Variants in VWA8 observed in about 807,000 individuals in gnomAD.
VWA8 encodes the protein von Willebrand factor A domain-containing protein 8.
A neutral mutation model predicts 241.5 loss-of-function variants in VWA8; 221 were observed. That is an observed-to-expected ratio of 0.91 (90% CI 0.82 to 1.02). The LOEUF is 1.02. Among genes scored for constraint, VWA8 ranks in the 50% least tolerant of loss-of-function variants. The probability of loss-of-function intolerance (pLI) is 0.00; values close to 1 mark genes in which losing one functional copy is unlikely to be tolerated. For synonymous variants in VWA8, 852 were observed against 827.1 expected, an observed-to-expected ratio of 1.03 and a Z score of -0.52; for missense variants, 2,322 against 2,328.7, an observed-to-expected ratio of 1.00 and a Z score of 0.06.
intron 5 of VWA8, among the ~76,000 whole-genome samples, chr13:41,890,711 G>T (rs777211751): frequency 2.0e-5 from 3 of 152,210 alleles, no homozygotes; most frequent in African/African-American, 7.2e-5. Flanking sequence ...CTAGTAGAGG[G>T]AAGCAGACAA....
At chr13:41,609,036 T>A (rs969670545) in intron 39 of VWA8, among the ~76,000 whole-genome samples, 2 of 152,198 alleles carry the variant, frequency 1.3e-5, no homozygotes, top group African/African-American at 2.4e-5. Flanking sequence ...ATGATTCCAT[T>A]ACTTGTATGC....
At chr13:41,732,427 C>T (rs891976990) in intron 21 of VWA8, among the ~76,000 whole-genome samples, 1 of 151,680 alleles carries the variant, frequency 6.6e-6, no homozygotes, top group Non-Finnish European at 1.5e-5. Flanking sequence ...GGTAATATGT[C>T]TTGTAACCAC....
intron 35 of VWA8, 36 bp from the exon 36 acceptor site, chr13:41,675,332 T>C: frequency 4.0e-6 from 6 of 1,489,332 alleles, no homozygotes; most frequent in Non-Finnish European, 5.6e-6. Flanking sequence ...AAGTATTAAA[T>C]TACTGCAAGA....
At position 41,742,126 on chromosome 13, in the gene VWA8, G is replaced by T. The variant is rs2045573712; in HGVS notation, c.2427-9971C>A. On this transcript the variant is annotated intron_variant, in intron 21 of 44. Transcript: ENST00000379310. ...TAGATAGGCAGGCTAAGTCCAGAGT[G>T]TACAGTCCTCGTTGCCATTTTGGAG... Among the ~76,000 whole-genome samples, 4 of 152,308 alleles carry T rather than the reference G, an allele frequency of 2.6e-5. No individual in the cohort carries two copies. The South Asian group carries it at 8.3e-4, about 32-fold the overall frequency.
At chr13:41,882,301 A>ACG (rs760323480) in intron 9 of VWA8, among the ~76,000 whole-genome samples, 1 of 141,324 alleles carries the variant, frequency 7.1e-6, no homozygotes, top group East Asian at 2.2e-4. Context: ...CCGGGCAGAG[A>ACG]CGCTCCTCAC....
intron 4 of VWA8, among the ~76,000 whole-genome samples, chr13:41,897,999 C>A (rs1278891580): frequency 6.6e-6 from 1 of 152,214 alleles, no homozygotes; most frequent in East Asian, 1.9e-4. Flanking sequence ...TTCTCCACAT[C>A]CCCACCAGAT....
intron 21 of VWA8, among the ~76,000 whole-genome samples, chr13:41,746,497 T>C (rs569850521): frequency 6.6e-6 from 1 of 152,302 alleles, no homozygotes; most frequent in East Asian, 1.9e-4. Context: ...TGTAACCACT[T>C]GGTGGGTACA....
At chr13:41,849,700 G>A (rs1417881879) in intron 12 of VWA8, among the ~76,000 whole-genome samples, 9 of 152,052 alleles carry the variant, frequency 5.9e-5, no homozygotes, top group African/African-American at 1.7e-4. Flanking sequence ...CAGCCTGACC[G>A]ATATGGTGAA....
At chr13:41,881,403 A>C (rs1874182240) in intron 9 of VWA8, among the ~76,000 whole-genome samples, 1 of 113,344 alleles carries the variant, frequency 8.8e-6, no homozygotes, top group Admixed American at 1.1e-4. Context: ...AAGGTCACAG[A>C]TCAACAGGAT....
chr13:41,635,377 A>C (rs1207775226), intron 37 of VWA8, among the ~76,000 whole-genome samples: 1 of 152,204 alleles, frequency 6.6e-6, no homozygotes, highest in Admixed American at 6.6e-5. Flanking sequence ...GCAAAAAATA[A>C]ATCAGCAAAA....
intron 37 of VWA8, among the ~76,000 whole-genome samples, chr13:41,658,819 G>A (rs747131892): frequency 2.0e-5 from 3 of 152,192 alleles, no homozygotes; most frequent in African/African-American, 4.8e-5. Context: ...GCTATAGGTC[G>A]TGGAGGAAAT....
chr13:41,574,575 T>A (rs2044339079), intron 43 of VWA8, among the ~76,000 whole-genome samples: 1 of 152,150 alleles, frequency 6.6e-6, no homozygotes, highest in Non-Finnish European at 1.5e-5. Context: ...AAAACAATCC[T>A]AAAATTCACG....
chr13:41,803,107 T>C (rs976995665), intron 17 of VWA8, among the ~76,000 whole-genome samples: 2 of 152,248 alleles, frequency 1.3e-5, no homozygotes, highest in Non-Finnish European at 2.9e-5. Flanking sequence ...TTACAGGGCA[T>C]GGAGTGTTCC....
At chr13:41,927,826 G>A (rs915255040) in intron 2 of VWA8, among the ~76,000 whole-genome samples, 1 of 152,014 alleles carries the variant, frequency 6.6e-6, no homozygotes, top group Admixed American at 6.6e-5. Context: ...AAAAAGGGGG[G>A]AATTCAATTA....
At chr13:41,791,698 T>C (rs1175011424) in intron 17 of VWA8, among the ~76,000 whole-genome samples, 2 of 151,916 alleles carry the variant, frequency 1.3e-5, no homozygotes, top group African/African-American at 2.4e-5. Flanking sequence ...GGTGTTATGA[T>C]AGATAACTGT....
At chr13:41,805,032 C>A (rs1232369573) in intron 17 of VWA8, among the ~76,000 whole-genome samples, 1 of 152,002 alleles carries the variant, frequency 6.6e-6, no homozygotes, top group East Asian at 1.9e-4. Flanking sequence ...TAAAAACAAA[C>A]AACAAAATGG....
chr13:41,691,930 A>C lies in VWA8; in HGVS notation c.3684T>G (p.Tyr1228Ter), dbSNP rs370449841. The stretch of plus-strand genomic sequence containing the variant: ...TGTGTGAAAATTCTTTACACATTTT[A>C]TAAGTTTCCTAAAGACAAACAAAAC... ...FWWNKEEAETYKMCKEFSHKN... is the reference protein window; with the variant it reads ...FWWNKEEAET Residue 1228 changes from tyrosine (Y) to a stop codon, truncating the protein, a stop_gained, in exon 31 of 45, where the codon TAT (tyrosine) becomes TAG (stop). Transcript: ENST00000379310. LOFTEE classifies it high-confidence loss of function. 117 of 1,607,450 alleles carry C rather than the reference A, an allele frequency of 7.3e-5. No homozygotes were observed. The highest frequency in any genetic ancestry group is 9.3e-5 in the Non-Finnish European group (109 of 1,174,772).
intron 3 of VWA8, among the ~76,000 whole-genome samples, chr13:41,908,201 C>T (rs1412326858): frequency 6.6e-6 from 1 of 152,194 alleles, no homozygotes; most frequent in Non-Finnish European, 1.5e-5. Context: ...CGCTGTGGCT[C>T]ACACCTGTAA....
rs185462817 is a variant in VWA8, at chr13:41,594,440, G to T, written c.4987-3675C>A. Among the ~76,000 whole-genome samples, 347 of 151,966 alleles carry T rather than the reference G, an allele frequency of 2.3e-3. 5 individuals carry two copies. The highest frequency in any genetic ancestry group is 2.0e-3 in the Non-Finnish European group (137 of 67,956). On this transcript the variant is annotated intron_variant, in intron 40 of 44. Coordinates refer to ENST00000379310, the MANE Select transcript of VWA8 (RefSeq NM_015058.2). ...CTAATTTTTGTGATTTCTAATGCAG[G>T]TCACAACTGTAGTAAAAATAAATTT...
Sources: allele counts gnomAD v4.1 joint callset (sites outside exome capture counted in the v4.1 genomes callset), GRCh38; gene constraint gnomAD v4.1.1; transcripts MANE v1.5; gene names NCBI Gene and HGNC (gene_info 2026-07-23, HGNC 2026-07-21).